PTPRD: variants seen among roughly 807,000 people sequenced by gnomAD.
PTPRD encodes receptor-type tyrosine-protein phosphatase delta.
A neutral mutation model predicts 214.5 loss-of-function variants in PTPRD; 34 were observed. That is an observed-to-expected ratio of 0.16 (90% CI 0.12 to 0.21). The LOEUF (loss-of-function observed/expected upper bound fraction) is 0.21, where lower values mean the gene tolerates loss of function less well. Among genes scored for constraint, PTPRD ranks in the 10% least tolerant of loss-of-function variants. PTPRD has a pLI of 1.00. For synonymous variants in PTPRD, 1,128 were observed against 845.7 expected (o/e 1.33, Z -5.79); for missense variants, 2,545 against 2,398.7 (o/e 1.06, Z -1.27).
At chr9:9,516,105 C>G (rs920203717) in intron 8 of PTPRD, among the ~76,000 whole-genome samples, 4 of 152,112 alleles carry the variant, frequency 2.6e-5, no homozygotes, top group Non-Finnish European at 5.9e-5. Context: ...TACTCTAACT[C>G]TAATCTTTGA....
At chr9:10,401,174 T>A (rs144704096) in intron 2 of PTPRD, among the ~76,000 whole-genome samples, 72 of 151,858 alleles carry the variant, frequency 4.7e-4, no homozygotes, top group African/African-American at 1.6e-3. Flanking sequence ...AAATGACCGT[T>A]TTCTTTTTCC....
chr9:9,952,151 A>G (rs542722406), intron 4 of PTPRD, among the ~76,000 whole-genome samples: 10 of 152,320 alleles, frequency 6.6e-5, no homozygotes, highest in African/African-American at 1.9e-4. Context: ...AGGAGAGTCT[A>G]GAGGACACAA....
At chr9:10,280,714 G>A (rs1169361122) in intron 3 of PTPRD, among the ~76,000 whole-genome samples, 6 of 151,926 alleles carry the variant, frequency 3.9e-5, no homozygotes, top group South Asian at 2.1e-4. Context: ...AGATTCAAGT[G>A]TTCCCCCATC....
At chr9:8,515,254 G>C (rs902318875) in intron 21 of PTPRD, among the ~76,000 whole-genome samples, 12 of 152,164 alleles carry the variant, frequency 7.9e-5, no homozygotes, top group African/African-American at 2.7e-4. Flanking sequence ...ATTGGCAAGT[G>C]GGATAATTCC....
At chr9:10,286,132 T>C (rs2095345134) in intron 3 of PTPRD, among the ~76,000 whole-genome samples, 1 of 152,220 alleles carries the variant, frequency 6.6e-6, no homozygotes, top group South Asian at 2.1e-4. Context: ...TGCCTTTCAA[T>C]TCTAGACTTG....
intron 10 of PTPRD, among the ~76,000 whole-genome samples, chr9:9,058,684 C>T (rs1391165650): frequency 6.6e-6 from 1 of 151,306 alleles, no homozygotes; most frequent in Non-Finnish European, 1.5e-5. Context: ...CTCCTGACCT[C>T]GTGATCCGCC....
chr9:9,639,452 AG>A (rs2095868337), intron 7 of PTPRD, among the ~76,000 whole-genome samples: 1 of 152,214 alleles, frequency 6.6e-6, no homozygotes, highest in African/African-American at 2.4e-5. Context: ...GTTTCTCAAA[AG>A]GCATAGTTTC....
chr9:9,789,965 C>A (rs555369941), intron 5 of PTPRD, among the ~76,000 whole-genome samples: 1 of 152,116 alleles, frequency 6.6e-6, no homozygotes, highest in African/African-American at 2.4e-5. Flanking sequence ...ATCATTTGAG[C>A]AAATATTTTA....
chr9:9,813,931 C>G (rs1426771120), intron 5 of PTPRD, among the ~76,000 whole-genome samples: 1 of 152,076 alleles, frequency 6.6e-6, no homozygotes, highest in African/African-American at 2.4e-5. Context: ...GGATTTATCC[C>G]TTGCAAATGG....
chr9:10,408,544 A>G (rs933252732), intron 2 of PTPRD, among the ~76,000 whole-genome samples: 1 of 151,622 alleles, frequency 6.6e-6, no homozygotes, highest in Non-Finnish European at 1.5e-5. Context: ...GCTGATTTGT[A>G]TTTTATCACC....
chr9:10,319,120 G>A (rs544385904), intron 3 of PTPRD, among the ~76,000 whole-genome samples: 1 of 152,140 alleles, frequency 6.6e-6, no homozygotes, highest in Non-Finnish European at 1.5e-5. Flanking sequence ...TGTGTCTATT[G>A]GCAAGACACC....
chr9:9,790,157 GATTTAATGTACCCAAGTCTCGAGTT>G, intron 5 of PTPRD, among the ~76,000 whole-genome samples: 1 of 152,076 alleles, frequency 6.6e-6, no homozygotes, highest in Admixed American at 6.6e-5. Context: ...TCCATCCTCA[GATTTAATGTACCCAAGTCTCGAGTT>G]TCATAGCCTT....
At chr9:8,493,750 G>T (rs548698645) in intron 26 of PTPRD, among the ~76,000 whole-genome samples, 1 of 152,182 alleles carries the variant, frequency 6.6e-6, no homozygotes, top group African/African-American at 2.4e-5. Context: ...AATTTATTTT[G>T]ACTTTCTAAA....
intron 5 of PTPRD, among the ~76,000 whole-genome samples, chr9:9,911,002 T>G (rs1182626043): frequency 6.6e-6 from 1 of 151,966 alleles, no homozygotes; most frequent in Non-Finnish European, 1.5e-5. Flanking sequence ...ATTCATTGTT[T>G]CATATCTGGA....
intron 8 of PTPRD, among the ~76,000 whole-genome samples, chr9:9,449,876 C>A (rs2091623724): frequency 6.6e-6 from 1 of 151,838 alleles, no homozygotes. Flanking sequence ...TCTTTTATCC[C>A]TCACTCCAAC....
rs759820137 is a variant in PTPRD, at chr9:9,358,756, C to T, written c.-203+38693G>A. 8.6e-5 allele frequency among the ~76,000 whole-genome samples: 13 copies of T among 151,440 alleles called. 1 individual carries two copies. In the Middle Eastern group the frequency reaches 0.014, roughly 158 times the overall value. ...GGCCTGCGCCTGAATCAGATTCAGT[C>T]TTTGTGATTAATCCAACACCTTTAC... On this transcript the variant is annotated intron_variant, in intron 9 of 45. Transcript: ENST00000381196.
chr9:9,351,936 C>T (rs2051348090), intron 9 of PTPRD, among the ~76,000 whole-genome samples: 3 of 151,922 alleles, frequency 2.0e-5, no homozygotes, highest in Admixed American at 6.6e-5. Flanking sequence ...ACAGTAAGAG[C>T]TTCCTCCATG....
rs1337807 is a variant in PTPRD at position 8,625,667 on chromosome 9, A to G, written c.352+7650T>C. On this transcript the variant is annotated intron_variant, in intron 14 of 45. Transcript: ENST00000381196. ...TTATGACCAAAAATCTATCAATTAA[A>G]AAAAAATCTACTGTGTTAAAGGGTG... Among the ~76,000 whole-genome samples the G allele has an allele frequency of 5.1e-3, 771 of 151,920 alleles. 1 individual carries two copies. Among genetic ancestry groups the G allele is most frequent in the African/African-American group, 9.2e-3 (381 of 41,504 alleles).
At chr9:9,201,088 TATC>T (rs943851212) in intron 9 of PTPRD, among the ~76,000 whole-genome samples, 1 of 152,204 alleles carries the variant, frequency 6.6e-6, no homozygotes, top group Non-Finnish European at 1.5e-5. Context: ...TGGAAAATCT[TATC>T]ATGAAAAGTG....
Sources: gnomAD v4.1 joint callset for allele counts (sites outside exome capture counted in the v4.1 genomes callset) on GRCh38, gnomAD v4.1.1 for gene constraint, MANE v1.5 for transcripts, NCBI Gene and HGNC (gene_info 2026-07-23, HGNC 2026-07-21) for gene names.